Variants in LCOR observed in about 807,000 individuals in gnomAD.
The protein encoded by LCOR is ligand dependent nuclear receptor corepressor, also known as ligand-dependent corepressor.
LCOR carries 14 observed loss-of-function variants against 64.4 expected under a neutral mutation model. The ratio of observed to expected loss-of-function variants is 0.22; its 90% CI spans 0.14 to 0.34. The LOEUF is 0.34. LCOR is among the 10% of genes least tolerant of loss of function. The probability of loss-of-function intolerance (pLI) is 1.00; values close to 1 mark genes in which losing one functional copy is unlikely to be tolerated. For synonymous variants in LCOR, 643 were observed against 642.5 expected (o/e 1.00, Z -0.01); for missense variants, 1,686 against 1,765.3 (o/e 0.96, Z 0.80).
At chr10:96,905,411 C>A (rs1846710735) in intron 2 of LCOR, among the ~76,000 whole-genome samples, 1 of 152,042 alleles carries the variant, frequency 6.6e-6, no homozygotes, top group South Asian at 2.1e-4. Context: ...TGTTGAAATA[C>A]TTTATTATTT....
At chr10:96,879,727 C>T (rs148810369) in intron 2 of LCOR, among the ~76,000 whole-genome samples, 12 of 152,222 alleles carry the variant, frequency 7.9e-5, no homozygotes, top group African/African-American at 2.2e-4. Flanking sequence ...CAGTGCGCGA[C>T]GTTGGCGCAC....
At chr10:96,965,554 C>T (rs974439472) in intron 7 of LCOR, among the ~76,000 whole-genome samples, 6 of 146,386 alleles carry the variant, frequency 4.1e-5, no homozygotes, top group East Asian at 4.2e-4. Context: ...CCCAGCTACT[C>T]GGGAGGCTGA....
intron 4 of LCOR, among the ~76,000 whole-genome samples, chr10:96,910,290 G>A (rs1384230186): frequency 2.0e-5 from 3 of 152,208 alleles, no homozygotes; most frequent in Non-Finnish European, 4.4e-5. Flanking sequence ...TAGTTCTACA[G>A]TTTTTAGTTG....
chr10:96,955,230 C>T, intron 7 of LCOR: 3 of 1,614,152 alleles, frequency 1.9e-6, no homozygotes, highest in Non-Finnish European at 1.7e-6. Flanking sequence ...CGAGTTCAAC[C>T]TCAGCCGTAT....
rs1848105432 is a variant in LCOR at position 96,982,863 on chromosome 10, C to A, written c.2403C>A (p.Asp801Glu). 6.2e-7 allele frequency: 1 copy of A among 1,613,800 alleles called. No individual in the cohort carries two copies. The highest frequency in any genetic ancestry group is 8.5e-7 in the Non-Finnish European group (1 of 1,179,998). The change falls in exon 8 of 8, where the codon GAC becomes GAA. Residue 801 changes from aspartate to glutamate, a missense_variant. Transcript: ENST00000421806. Reference protein sequence around the residue: ...TSIDSLEENLDKKKKGKKFPE... With the variant: ...TSIDSLEENLEKKKKGKKFPE... ...TTGACTCACTCGAAGAGAATTTGGACAAGAAGAAAAAAGGTAAAAAATTCC... is the reference window on the plus strand; with the variant it reads ...TTGACTCACTCGAAGAGAATTTGGAAAAGAAGAAAAAAGGTAAAAAATTCC...
rs1054397262 is a variant in LCOR at position 96,958,086 on chromosome 10, A to C, written c.332+5890A>C. The C allele has an allele frequency of 1.4e-5, 15 of 1,082,602 alleles. No homozygotes were observed. In the African/African-American group the frequency reaches 2.3e-4, roughly 17 times the overall value. 67.1% of individuals were successfully genotyped at this position (1,082,602 alleles called of 1,614,324 possible). A position where few individuals can be genotyped will look rare whatever the true frequency, so the allele number is the denominator to read the frequency against. The stretch of plus-strand genomic sequence containing the variant: ...TGCCTCCTTTGTTACACACTCAAGA[A>C]TTTGTCAGCACACAATTAATTGCAG... On this transcript the variant is annotated intron_variant, in intron 7 of 7. Coordinates refer to ENST00000421806, the MANE Select transcript of LCOR (RefSeq NM_001346516.2).
At chr10:96,836,542 T>C (rs1277241783) in intron 2 of LCOR, among the ~76,000 whole-genome samples, 1 of 152,210 alleles carries the variant, frequency 6.6e-6, no homozygotes, top group Non-Finnish European at 1.5e-5. Flanking sequence ...GCCTCAACCT[T>C]CAGGAACTTT....
Position 96,981,802 on chromosome 10 carries a change from T to G in LCOR, c.1342T>G (p.Ser448Ala), listed in dbSNP as rs1264386891. The change falls in exon 8 of 8, where the codon TCC becomes GCC. Residue 448 changes from serine (S) to alanine (A), a missense_variant. Physicochemically the swap from Ser to Ala is moderately conservative, Grantham distance 99 (BLOSUM62 1). Coordinates refer to ENST00000421806, the MANE Select transcript of LCOR (RefSeq NM_001346516.2). ...CTCAAGAACCAAGATGATATCAACC[T>G]CCATCAAGACAGCTCGGAAAAGTAA... ...GHSRTKMIST[S>A]IKTARKSKRA... 1 of 1,614,010 alleles carries G rather than the reference T, an allele frequency of 6.2e-7. No individual in the cohort carries two copies. Among genetic ancestry groups the G allele is most frequent in the Admixed American group, 1.7e-5 (1 of 60,004 alleles).
At chr10:96,970,598 CATTTTATTTT>C (rs529698846) in intron 7 of LCOR, among the ~76,000 whole-genome samples, 4 of 141,060 alleles carry the variant, frequency 2.8e-5, no homozygotes, top group Admixed American at 6.8e-5. Context: ...TCCTAACCAG[CATTTTATTTT>C]ATTTTATTTT....
chr10:96,887,816 G>A (rs1846369953), intron 2 of LCOR, among the ~76,000 whole-genome samples: 1 of 151,136 alleles, frequency 6.6e-6, no homozygotes, highest in South Asian at 2.1e-4. Context: ...GAGTAGCTGT[G>A]ATTACAGGCA....
intron 2 of LCOR, among the ~76,000 whole-genome samples, chr10:96,862,065 C>T (rs903183373): frequency 1.3e-5 from 2 of 152,118 alleles, no homozygotes; most frequent in African/African-American, 4.8e-5. Flanking sequence ...CACTTATTTA[C>T]AGTTACTGGT....
chr10:96,903,132 A>G (rs1344229656), intron 2 of LCOR, among the ~76,000 whole-genome samples: 4 of 152,194 alleles, frequency 2.6e-5, no homozygotes, highest in Non-Finnish European at 4.4e-5. Context: ...GGCACTTACC[A>G]TAAATGGAGA....
At chr10:96,910,288 C>T (rs1174334048) in intron 4 of LCOR, among the ~76,000 whole-genome samples, 1 of 152,190 alleles carries the variant, frequency 6.6e-6, no homozygotes, top group Non-Finnish European at 1.5e-5. Flanking sequence ...TGTAGTTCTA[C>T]AGTTTTTAGT....
intron 2 of LCOR, among the ~76,000 whole-genome samples, chr10:96,839,073 GAC>G (rs1323349632): frequency 6.6e-6 from 1 of 152,138 alleles, no homozygotes; most frequent in African/African-American, 2.4e-5. Context: ...AAAAAAATAA[GAC>G]AAGTTATATT....
rs1443011936 is a variant in LCOR, at chr10:96,897,512, AAGACTT to A, written c.-329-9751_-329-9746del. ...AAACAGAACTGCCCCTGGATTTCCA[AAGACTT>A]AATCTGACCTAGCTACTCACTACCT... On this transcript the variant is annotated intron_variant, in intron 2 of 7. Transcript: ENST00000421806. Among the ~76,000 whole-genome samples the A allele has an allele frequency of 3.3e-5, 5 of 152,344 alleles. No individual in the cohort carries two copies. The South Asian group carries it at 1.0e-3, about 32-fold the overall frequency.
chr10:96,879,667 GT>G (rs890661746), intron 2 of LCOR, among the ~76,000 whole-genome samples: 1 of 151,712 alleles, frequency 6.6e-6, no homozygotes, highest in Non-Finnish European at 1.5e-5. Context: ...TTTGTTTTGT[GT>G]TTTTTTTGCG....
chr10:96,954,974 G>A (rs1468580217), intron 7 of LCOR: 1 of 1,614,008 alleles, frequency 6.2e-7, no homozygotes, highest in Admixed American at 1.7e-5. Context: ...GACCCAGCCA[G>A]TACCGCCCAG....
chr10:96,960,786 TGAA>T (rs1847866753), intron 7 of LCOR: 2 of 152,148 alleles, frequency 1.3e-5, no homozygotes, highest in African/African-American at 4.8e-5. Context: ...TTTCAAAATC[TGAA>T]AAGGAAAAAA....
In LCOR at chr10:96,904,346, G is replaced by C. The variant is rs144173955; in HGVS notation, c.-329-2919G>C. On this transcript the variant is annotated intron_variant, in intron 2 of 7. Transcript: ENST00000421806. ...ACAGAAGACCATCCTGACCAGAGCT[G>C]TAGGAATGAGCAGGAAAGGTCTGGT... 7.0e-4 allele frequency among the ~76,000 whole-genome samples: 106 copies of C among 152,312 alleles called. 1 individual carries two copies. Among genetic ancestry groups the C allele is most frequent in the African/African-American group, 2.3e-3 (96 of 41,576 alleles).
Sources: gnomAD v4.1 joint callset for allele counts (sites outside exome capture counted in the v4.1 genomes callset) on GRCh38, gnomAD v4.1.1 for gene constraint, MANE v1.5 for transcripts, NCBI Gene and HGNC (gene_info 2026-07-23, HGNC 2026-07-21) for gene names.